Variants in COG5 observed in about 807,000 individuals in gnomAD.
COG5 encodes conserved oligomeric Golgi complex subunit 5.
COG5 carries 86 observed loss-of-function variants against 110.4 expected under a neutral mutation model. That is an observed-to-expected ratio of 0.78 (90% CI 0.65 to 0.93). The LOEUF (loss-of-function observed/expected upper bound fraction) is 0.93. Ranked by LOEUF, COG5 falls within the 40% of genes least tolerant of loss-of-function variation. The pLI, the probability that COG5 is intolerant of heterozygous loss-of-function variation, is 0.00. For missense variants in COG5, 1,077 were observed against 987.0 expected (o/e 1.09, Z -1.22); for synonymous variants, 360 against 334.6 (o/e 1.08, Z -0.83).
intron 11 of COG5, among the ~76,000 whole-genome samples, chr7:107,317,400 T>C (rs934757125): frequency 2.6e-5 from 4 of 152,086 alleles, no homozygotes; most frequent in African/African-American, 9.7e-5. Flanking sequence ...AAAGCACTGA[T>C]CAGCATTAAA....
Position 107,372,640 on chromosome 7 carries a change from A to T in COG5, c.790T>A (p.Leu264Ile), listed in dbSNP as rs142276972. The stretch of plus-strand genomic sequence containing the variant: ...GGCTGAGTCAAAACTTTTATGTCTA[A>T]TGCACTGTTGATATTTTCTTCTAAA... ...ATLEENINSA[L>I]DIKVLTQPSQ... Residue 264 changes from leucine (L) to isoleucine (I), a missense_variant, in exon 8 of 22, where the codon TTA becomes ATA. By Grantham distance (5) the Leu-to-Ile change is conservative (BLOSUM62 2). Transcript: ENST00000297135. The T allele has an allele frequency of 3.6e-4, 582 of 1,613,734 alleles. 3 individuals are homozygous for T. In the African/African-American group the frequency reaches 7.3e-3, roughly 20 times the overall value.
At chr7:107,254,907 T>A (rs1329011776) in intron 16 of COG5, among the ~76,000 whole-genome samples, 1 of 152,160 alleles carries the variant, frequency 6.6e-6, no homozygotes, top group Non-Finnish European at 1.5e-5. Context: ...TGGGTCAGTA[T>A]CGTAATGTTT....
rs548822448 is a variant in COG5, at chr7:107,302,907, A to G, written c.1109-4561T>C. ...ACTAAAAAACAATATGCTAATGCTC[A>G]TGATTCTTGCTGTGTTGTAATAAAG... On this transcript the variant is annotated intron_variant, in intron 11 of 21. Transcript: ENST00000297135. Among the ~76,000 whole-genome samples, 58 of 152,340 alleles carry G rather than the reference A, an allele frequency of 3.8e-4. 1 individual carries two copies. In the South Asian group the frequency reaches 0.011, roughly 30 times the overall value.
chr7:107,388,636 CT>C (rs1445149546), intron 7 of COG5, among the ~76,000 whole-genome samples: 1 of 152,190 alleles, frequency 6.6e-6, no homozygotes, highest in Non-Finnish European at 1.5e-5. Flanking sequence ...TTTCAATCAG[CT>C]GTAGAAAAGC....
At chr7:107,260,658 GATGACT>G (rs1256116104) in intron 14 of COG5, among the ~76,000 whole-genome samples, 1 of 152,056 alleles carries the variant, frequency 6.6e-6, no homozygotes, top group Non-Finnish European at 1.5e-5. Context: ...GTTAAGAGAA[GATGACT>G]TAAGTTCAAA....
intron 11 of COG5, among the ~76,000 whole-genome samples, chr7:107,299,650 G>A (rs1014680501): frequency 6.6e-6 from 1 of 151,484 alleles, no homozygotes. Context: ...TCTGAGGCCA[G>A]CACTGCCCTG....
chr7:107,268,539 T>C (rs1803986162), intron 14 of COG5, among the ~76,000 whole-genome samples: 1 of 152,184 alleles, frequency 6.6e-6, no homozygotes, highest in Non-Finnish European at 1.5e-5. Flanking sequence ...TCAAGAGAAG[T>C]AGTTTTAAAG....
intron 11 of COG5, among the ~76,000 whole-genome samples, chr7:107,314,698 A>T (rs900721843): frequency 1.3e-5 from 2 of 152,016 alleles, no homozygotes; most frequent in African/African-American, 4.8e-5. Context: ...GCAGTGAGCC[A>T]AGATCGTGCC....
rs1303936889 is a variant in COG5, at chr7:107,286,742, TTC to T, written c.1314-3012_1314-3011del. 1.3e-5 allele frequency among the ~76,000 whole-genome samples: 2 copies of T among 152,186 alleles called. 1 individual carries two copies. The highest frequency in any genetic ancestry group is 4.8e-5 in the African/African-American group (2 of 41,446). On this transcript the variant is annotated intron_variant, in intron 12 of 21. Transcript: ENST00000297135. Reference sequence around the variant, plus strand: ...TTTTTCCCTCTTACAACTTCATCTATTCTCTGTGACTTTCTTATTATTTCAAT... The same window carrying T: ...TTTTTCCCTCTTACAACTTCATCTATTCTGTGACTTTCTTATTATTTCAAT...
intron 7 of COG5, among the ~76,000 whole-genome samples, chr7:107,386,133 A>C (rs937860453): frequency 6.6e-6 from 1 of 151,950 alleles, no homozygotes; most frequent in African/African-American, 2.4e-5. Flanking sequence ...TTACAGTTGA[A>C]GGTAGTCTAA....
chr7:107,404,466 GAATAT>G (rs1791663165), intron 7 of COG5, among the ~76,000 whole-genome samples: 1 of 152,228 alleles, frequency 6.6e-6, no homozygotes, highest in Admixed American at 6.5e-5. Flanking sequence ...ATACATGCGA[GAATAT>G]AATTTGAGGA....
chr7:107,531,258 T>G (rs978526551), intron 5 of COG5, among the ~76,000 whole-genome samples: 1 of 152,150 alleles, frequency 6.6e-6, no homozygotes, highest in African/African-American at 2.4e-5. Flanking sequence ...TACCTGTAAA[T>G]TAGTAGTTGG....
intron 7 of COG5, among the ~76,000 whole-genome samples, chr7:107,373,997 G>A (rs1814420361): frequency 6.6e-6 from 1 of 151,742 alleles, no homozygotes; most frequent in Admixed American, 6.6e-5. Flanking sequence ...AAACATGGCT[G>A]GTGAATAACA....
chr7:107,516,176 C>A (rs1366221105), intron 6 of COG5, among the ~76,000 whole-genome samples: 1 of 152,126 alleles, frequency 6.6e-6, no homozygotes, highest in Non-Finnish European at 1.5e-5. Context: ...TCTGCTTATT[C>A]TCTGACAATA....
At chr7:107,221,787 G>A (rs1165482382) in intron 19 of COG5, among the ~76,000 whole-genome samples, 4 of 150,990 alleles carry the variant, frequency 2.6e-5, no homozygotes, top group Non-Finnish European at 5.9e-5. Context: ...AAAAAGAGAT[G>A]CTTAACTTTC....
chr7:107,243,154 A>G (rs1484582139), intron 17 of COG5, among the ~76,000 whole-genome samples: 3 of 152,156 alleles, frequency 2.0e-5, no homozygotes, highest in Non-Finnish European at 4.4e-5. Flanking sequence ...AGATTTAACA[A>G]TCTTATATAT....
intron 6 of COG5, among the ~76,000 whole-genome samples, chr7:107,481,750 A>T (rs1797363256): frequency 6.6e-6 from 1 of 152,098 alleles, no homozygotes; most frequent in African/African-American, 2.4e-5. Flanking sequence ...AATTTTTTCC[A>T]ACTATCACTT....
Position 107,211,201 on chromosome 7 carries a change from T to A in COG5, c.2193A>T (p.Glu731Asp). 6.2e-7 allele frequency: 1 copy of A among 1,614,136 alleles called. No individual in the cohort carries two copies. The highest frequency in any genetic ancestry group is 1.1e-5 in the South Asian group (1 of 91,090). ...CCAATGCAGGACTACTGGCTACATG[T>A]TCACTTGCCTGGAAGAGCAGAGGTC... ...SFRPLLFQAS[E>D]HVASSPALGD... Residue 731 changes from glutamate to aspartate, a missense_variant, in exon 20 of 22, where the codon GAA (glutamate) becomes GAT (aspartate). Physicochemically the swap from Glu to Asp is conservative, Grantham distance 45. Coordinates refer to ENST00000297135, the MANE Select transcript of COG5 (RefSeq NM_006348.5).
At chr7:107,517,564 T>C (rs767375126) in intron 6 of COG5, among the ~76,000 whole-genome samples, 2 of 151,946 alleles carry the variant, frequency 1.3e-5, no homozygotes, top group African/African-American at 2.4e-5. Flanking sequence ...CACGGTTGAA[T>C]TGAAGGAAAA....
Sources: gnomAD v4.1 joint callset for allele counts (sites outside exome capture counted in the v4.1 genomes callset) on GRCh38, gnomAD v4.1.1 for gene constraint, MANE v1.5 for transcripts, NCBI Gene and HGNC (gene_info 2026-07-23, HGNC 2026-07-21) for gene names.